Variants in SCAPER observed in about 807,000 individuals in gnomAD.
SCAPER encodes the protein S-phase cyclin A associated protein in the ER.
Under a neutral mutation model 182.2 loss-of-function variants are expected in SCAPER, and 98 were observed. That is an observed-to-expected ratio of 0.54 (90% CI 0.46 to 0.64). SCAPER has a LOEUF of 0.64. SCAPER is among the 30% of genes least tolerant of loss of function. The pLI, the probability that SCAPER is intolerant of heterozygous loss-of-function variation, is 0.00. For missense variants in SCAPER, 1,432 were observed against 1,690.0 expected (o/e 0.85, Z 2.68); for synonymous variants, 605 against 564.6 (o/e 1.07, Z -1.01).
At chr15:76,885,997 C>A (rs548610393) in intron 1 of SCAPER, among the ~76,000 whole-genome samples, 1 of 152,228 alleles carries the variant, frequency 6.6e-6, no homozygotes, top group East Asian at 1.9e-4. Context: ...ATATTGATTT[C>A]CATTGGGTAG....
At chr15:76,464,354 T>C (rs1441784789) in intron 25 of SCAPER, among the ~76,000 whole-genome samples, 2 of 151,840 alleles carry the variant, frequency 1.3e-5, no homozygotes, top group Non-Finnish European at 2.9e-5. Flanking sequence ...TTTTTTAAGG[T>C]TGATTAATAT....
intron 5 of SCAPER, among the ~76,000 whole-genome samples, chr15:76,833,457 C>T (rs144556098): frequency 1.3e-5 from 2 of 152,146 alleles, no homozygotes; most frequent in East Asian, 3.9e-4. Flanking sequence ...ACAATCAAGT[C>T]GACATAAGAA....
chr15:76,429,012 G>A (rs114875165), intron 26 of SCAPER, among the ~76,000 whole-genome samples: 1,585 of 151,246 alleles, frequency 0.01, 38 homozygotes, highest in African/African-American at 0.036. Context: ...GGAGGCAATC[G>A]AATCATGGGT....
At chr15:76,562,148 CA>C (rs66722088) in intron 23 of SCAPER, among the ~76,000 whole-genome samples, 2,829 of 73,940 alleles carry the variant, frequency 0.038, 38 homozygotes, top group African/African-American at 0.096. Context: ...AACTTCATCT[CA>C]AAAAAAAAAA....
At chr15:76,645,827 C>G (rs1005579093) in intron 21 of SCAPER, among the ~76,000 whole-genome samples, 4 of 151,532 alleles carry the variant, frequency 2.6e-5, no homozygotes, top group Non-Finnish European at 5.9e-5. Flanking sequence ...AGTAAATAAC[C>G]AAATATTTTT....
chr15:76,834,087 A>G (rs548130334), intron 5 of SCAPER, among the ~76,000 whole-genome samples: 1 of 152,234 alleles, frequency 6.6e-6, no homozygotes, highest in Non-Finnish European at 1.5e-5. Flanking sequence ...ATACTCTAAG[A>G]TGAACCACAC....
In SCAPER at chr15:76,834,184, TATA is replaced by T. The variant is rs1485835513; in HGVS notation, c.393+7547_393+7549del. Among the ~76,000 whole-genome samples, 23 of 152,182 alleles carry T rather than the reference TATA, an allele frequency of 1.5e-4. No homozygotes were observed. The East Asian group carries it at 2.5e-3, about 17-fold the overall frequency. ...CCACAGTGCAATAAAAACAGAAATCTATAATAAGATCTCTCAAAAACATACAAT... is the reference window on the plus strand; with the variant it reads ...CCACAGTGCAATAAAAACAGAAATCTATAAGATCTCTCAAAAACATACAAT... On this transcript the variant is annotated intron_variant, in intron 5 of 31. Transcript: ENST00000563290.
intron 5 of SCAPER, 100 bp downstream of exon 5, chr15:76,841,634 A>G: frequency 8.0e-7 from 1 of 1,255,028 alleles, no homozygotes; most frequent in South Asian, 1.5e-5. Flanking sequence ...GCGACAGAGC[A>G]AAACTCCATC....
At chr15:76,556,854 A>T (rs566403377) in intron 23 of SCAPER, among the ~76,000 whole-genome samples, 433 of 152,314 alleles carry the variant, frequency 2.8e-3, no homozygotes, top group African/African-American at 0.01. Flanking sequence ...TATATCTAAA[A>T]AATCCCACAG....
chr15:76,778,632 A>AGTGTGAGTGTATGTGTGTGTGT (rs2063892499), intron 8 of SCAPER, among the ~76,000 whole-genome samples: 1 of 148,814 alleles, frequency 6.7e-6, no homozygotes, highest in African/African-American at 2.5e-5. Context: ...TAAACACATA[A>AGTGTGAGTGTATGTGTGTGTGT]GTGTGAGTGT....
chr15:76,396,087 G>A (rs1231786371), intron 27 of SCAPER, among the ~76,000 whole-genome samples: 7 of 152,254 alleles, frequency 4.6e-5, no homozygotes, highest in Admixed American at 3.9e-4. Context: ...ATTTATTGAA[G>A]AGACTCTTCC....
intron 26 of SCAPER, among the ~76,000 whole-genome samples, chr15:76,409,870 T>A (rs897425361): frequency 6.6e-6 from 1 of 152,070 alleles, no homozygotes; most frequent in Non-Finnish European, 1.5e-5. Context: ...GATGCAATCA[T>A]GGCTCACTGC....
intron 8 of SCAPER, 151 bp downstream of exon 8, chr15:76,795,129 C>T (rs554877472): frequency 4.1e-5 from 30 of 732,914 alleles, no homozygotes; most frequent in African/African-American, 7.3e-5. Context: ...TAGTTTTGCT[C>T]GGCTTTTAAG....
At chr15:76,832,177 G>T (rs116497876) in intron 5 of SCAPER, among the ~76,000 whole-genome samples, 3 of 152,146 alleles carry the variant, frequency 2.0e-5, no homozygotes, top group South Asian at 4.1e-4. Flanking sequence ...TCAGAATCTG[G>T]ATGGGAAGGA....
intron 24 of SCAPER, among the ~76,000 whole-genome samples, chr15:76,473,756 G>A (rs979608401): frequency 1.1e-4 from 17 of 152,078 alleles, no homozygotes; most frequent in Non-Finnish European, 7.4e-5. Flanking sequence ...TAGGGGTTCT[G>A]TATCTTGACT....
intron 17 of SCAPER, among the ~76,000 whole-genome samples, chr15:76,709,917 A>C (rs1290505996): frequency 6.6e-6 from 1 of 152,226 alleles, no homozygotes; most frequent in Non-Finnish European, 1.5e-5. Flanking sequence ...ACCCACAGTC[A>C]TCTTAATGGA....
At chr15:76,539,079 A>T (rs1380014557) in intron 23 of SCAPER, among the ~76,000 whole-genome samples, 1 of 152,146 alleles carries the variant, frequency 6.6e-6, no homozygotes, top group Non-Finnish European at 1.5e-5. Flanking sequence ...AAAAAAAAAA[A>T]AGTTTCAACT....
At chr15:76,498,672 G>A (rs2040833602) in intron 24 of SCAPER, 1 of 152,168 alleles carries the variant, frequency 6.6e-6, no homozygotes, top group Non-Finnish European at 1.5e-5. Context: ...TACGTGCAGA[G>A]CATCTAGCAC....
intron 22 of SCAPER, among the ~76,000 whole-genome samples, chr15:76,615,484 C>T (rs1406239790): frequency 1.1e-5 from 1 of 94,294 alleles, no homozygotes. Context: ...TACATACACA[C>T]ACACACAGAC....
Sources: allele counts gnomAD v4.1 joint callset (sites outside exome capture counted in the v4.1 genomes callset), GRCh38; gene constraint gnomAD v4.1.1; transcripts MANE v1.5; gene names NCBI Gene and HGNC (gene_info 2026-07-23, HGNC 2026-07-21).